The following NUP153 variants were observed in gnomAD, a reference collection of about 807,000 sequenced individuals.
NUP153 encodes the protein nucleoporin 153, also known as nuclear pore complex protein Nup153.
A neutral mutation model predicts 134.6 loss-of-function variants in NUP153; 27 were observed. That is an observed-to-expected ratio of 0.20 (90% CI 0.15 to 0.28). The LOEUF (loss-of-function observed/expected upper bound fraction) is 0.28. Ranked by LOEUF, NUP153 falls within the 10% of genes least tolerant of loss-of-function variation. The pLI is 1.00. For missense variants in NUP153, 1,821 were observed against 1,731.3 expected (o/e 1.05, Z -0.92); for synonymous variants, 640 against 623.5 (o/e 1.03, Z -0.40).
At chr6:17,623,530 C>T (rs1447160136) in intron 20 of NUP153, among the ~76,000 whole-genome samples, 1 of 152,028 alleles carries the variant, frequency 6.6e-6, no homozygotes, top group African/African-American at 2.4e-5. Flanking sequence ...TTCAGCAATC[C>T]CATGCCACTG....
Position 17,625,930 on chromosome 6 carries a change from A to T in NUP153, c.3779T>A (p.Leu1260Gln), listed in dbSNP as rs750372737. Reference protein sequence around the residue: ...QSLLFSQDSKLATTSSTGTAV... With the variant: ...QSLLFSQDSKQATTSSTGTAV... Reference sequence around the variant, plus strand: ...TGTACCTGTGCTGGATGTGGTTGCTAGTTTGCTATCTTGAGAAAATAGCAA... The same window carrying T: ...TGTACCTGTGCTGGATGTGGTTGCTTGTTTGCTATCTTGAGAAAATAGCAA... Residue 1260 changes from leucine to glutamine, a missense_variant, in exon 19 of 22, where the codon CTA becomes CAA. Physicochemically the swap from Leu to Gln is moderately radical, Grantham distance 113. Transcript: ENST00000262077. The surrounding 1 kb of genome is among the most constrained non-coding windows in gnomAD (Gnocchi z 4.7). 1.2e-6 allele frequency: 2 copies of T among 1,614,086 alleles called. No homozygotes were observed. Among genetic ancestry groups the T allele is most frequent in the African/African-American group, 2.7e-5 (2 of 74,926 alleles).
At chr6:17,665,880 G>A (rs142163375) in intron 8 of NUP153, among the ~76,000 whole-genome samples, 1 of 151,950 alleles carries the variant, frequency 6.6e-6, no homozygotes, top group East Asian at 1.9e-4. Context: ...GTAGAGACAG[G>A]GTCTCGCCAT....
At chr6:17,657,108 A>C (rs942911940) in intron 11 of NUP153, among the ~76,000 whole-genome samples, 1 of 152,156 alleles carries the variant, frequency 6.6e-6, no homozygotes, top group African/African-American at 2.4e-5. Context: ...AAAAGTTCTG[A>C]GATCTTCGGC....
chr6:17,649,002 T>C (rs1290323846), intron 12 of NUP153, among the ~76,000 whole-genome samples, 161 bp downstream of exon 12: 4 of 152,220 alleles, frequency 2.6e-5, no homozygotes, highest in African/African-American at 9.6e-5. Context: ...AAGATATTTG[T>C]ACATTTTTTT....
intron 14 of NUP153, among the ~76,000 whole-genome samples, chr6:17,643,507 T>C (rs1004119233): frequency 6.6e-6 from 1 of 152,182 alleles, no homozygotes; most frequent in Non-Finnish European, 1.5e-5. Flanking sequence ...CCACCACTCG[T>C]ACAACTATGC....
chr6:17,621,715 G>A (rs1764649621), intron 20 of NUP153, among the ~76,000 whole-genome samples: 1 of 152,118 alleles, frequency 6.6e-6, no homozygotes, highest in Admixed American at 6.6e-5. Context: ...TGGTAGGAAG[G>A]GAAGGTGGTT....
chr6:17,673,096 C>T (rs757955887), intron 5 of NUP153, among the ~76,000 whole-genome samples: 5 of 152,020 alleles, frequency 3.3e-5, no homozygotes, highest in South Asian at 2.1e-4. Context: ...TGGCTGGGCG[C>T]GGTGGCTCAC....
intron 1 of NUP153, 64 bp from the exon 2 acceptor site, chr6:17,688,682 C>G: frequency 7.5e-7 from 1 of 1,339,402 alleles, no homozygotes; most frequent in South Asian, 1.3e-5. Flanking sequence ...TAAGTACCTA[C>G]TCACTGAAAG....
chr6:17,669,256 A>T, intron 7 of NUP153, 37 bp downstream of exon 7: 1 of 1,568,468 alleles, frequency 6.4e-7, no homozygotes, highest in Non-Finnish European at 8.8e-7. Context: ...TTTTTGTATG[A>T]ACAATATTTT....
chr6:17,688,237 ACT>A (rs755772542), intron 2 of NUP153, among the ~76,000 whole-genome samples, 157 bp downstream of exon 2: 5 of 152,246 alleles, frequency 3.3e-5, no homozygotes, highest in Non-Finnish European at 7.3e-5. Flanking sequence ...TAAATAAAAC[ACT>A]GATAAATAAA....
At chr6:17,633,860 T>C (rs934378446) in intron 16 of NUP153, among the ~76,000 whole-genome samples, 8 of 152,168 alleles carry the variant, frequency 5.3e-5, no homozygotes, top group Non-Finnish European at 1.2e-4. Flanking sequence ...AATTGCTCCC[T>C]GGGGTTCCAT....
In NUP153 at chr6:17,706,240, C is replaced by T. The variant is rs747775314; in HGVS notation, c.111+37G>A. 22 of 1,552,438 alleles carry T rather than the reference C, an allele frequency of 1.4e-5. No individual in the cohort carries two copies. The highest frequency in any genetic ancestry group is 2.0e-5 in the Non-Finnish European group (22 of 1,125,406). On this transcript the variant is annotated intron_variant, in intron 1 of 21. Transcript: ENST00000262077. This position sits in a 1 kb window ranked among gnomAD's most constrained non-coding sequence, Gnocchi z 5.9. ...GCCCGTCCCCTCCAGCCGAGTTTCC[C>T]CACCCGCCAGGCCACCGCGGCGTCG...
chr6:17,674,780 T>G (rs1415148241), intron 5 of NUP153, 125 bp downstream of exon 5: 18 of 876,902 alleles, frequency 2.1e-5, no homozygotes, highest in Non-Finnish European at 2.7e-5. Context: ...CTCGAAAAAA[T>G]ATAAATAAAA....
chr6:17,687,916 C>T lies in NUP153; in HGVS notation c.334+480G>A, dbSNP rs564196719. Reference sequence around the variant, plus strand: ...GATCATGAGGTCAGGAGATCGAGACCATCCTGGCTAACACGGTGAAACCCC... The same window carrying T: ...GATCATGAGGTCAGGAGATCGAGACTATCCTGGCTAACACGGTGAAACCCC... On this transcript the variant is annotated intron_variant, in intron 2 of 21. Transcript: ENST00000262077. 1.2e-3 allele frequency among the ~76,000 whole-genome samples: 183 copies of T among 152,048 alleles called. 1 individual carries two copies. The highest frequency in any genetic ancestry group is 4.1e-3 in the African/African-American group (169 of 41,476).
chr6:17,617,659 A>G (rs1764403866), intron 20 of NUP153, among the ~76,000 whole-genome samples: 1 of 152,118 alleles, frequency 6.6e-6, no homozygotes, highest in South Asian at 2.1e-4. Context: ...CCTAGGCAAC[A>G]TGGCGAGATC....
At chr6:17,637,040 A>T in intron 16 of NUP153, 113 bp downstream of exon 16, 1 of 1,054,088 alleles carries the variant, frequency 9.5e-7, no homozygotes, top group Non-Finnish European at 1.4e-6. Flanking sequence ...TAGAAAAATT[A>T]ATATGTATGA....
At chr6:17,696,086 C>T (rs997626098) in intron 1 of NUP153, among the ~76,000 whole-genome samples, 1 of 152,062 alleles carries the variant, frequency 6.6e-6, no homozygotes, top group African/African-American at 2.4e-5. Context: ...GTTGATCGTG[C>T]CATTGCACTC....
In NUP153 at chr6:17,685,781, A is replaced by C. The variant is rs560732954; in HGVS notation, c.334+2615T>G. Among the ~76,000 whole-genome samples the C allele has an allele frequency of 5.9e-5, 9 of 152,174 alleles. No homozygotes were observed. In the East Asian group the frequency reaches 1.5e-3, roughly 26 times the overall value. ...ATACTATACTTGGTAATGATAATAAATGACTATGTAACTGTTTTATGTACT... is the reference window on the plus strand; with the variant it reads ...ATACTATACTTGGTAATGATAATAACTGACTATGTAACTGTTTTATGTACT... On this transcript the variant is annotated intron_variant, in intron 2 of 21. Coordinates refer to ENST00000262077, the MANE Select transcript of NUP153 (RefSeq NM_005124.4).
At chr6:17,624,986 T>C (rs74597968) in intron 19 of NUP153, among the ~76,000 whole-genome samples, 153 bp from the exon 20 acceptor site, 9,486 of 152,234 alleles carry the variant, frequency 0.062, 393 homozygotes, top group Non-Finnish European at 0.084. Context: ...AAATAATGAT[T>C]GAGAATACAA....
Sources: allele counts gnomAD v4.1 joint callset (sites outside exome capture counted in the v4.1 genomes callset), GRCh38; gene constraint gnomAD v4.1.1; non-coding constraint Gnocchi (gnomAD v3.1); transcripts MANE v1.5; gene names NCBI Gene and HGNC (gene_info 2026-07-23, HGNC 2026-07-21).